Variants in GPC6 observed in about 807,000 individuals in gnomAD.
GPC6 encodes glypican-6.
Under a neutral mutation model 55.2 loss-of-function variants are expected in GPC6, and 14 were observed. The observed-to-expected ratio is 0.25, with a 90% confidence interval of 0.17 to 0.40. The LOEUF (loss-of-function observed/expected upper bound fraction) is 0.40. Ranked by LOEUF, GPC6 falls within the 10% of genes least tolerant of loss-of-function variation. GPC6 has a pLI of 1.00. For synonymous variants in GPC6, 278 were observed against 259.6 expected (o/e 1.07, Z -0.68); for missense variants, 641 against 708.5 (o/e 0.90, Z 1.08).
intron 2 of GPC6, among the ~76,000 whole-genome samples, chr13:93,597,251 A>C (rs1877800387): frequency 6.6e-6 from 1 of 152,178 alleles, no homozygotes; most frequent in Non-Finnish European, 1.5e-5. Flanking sequence ...ACTATGTCCT[A>C]ATCAAGTTGA....
chr13:93,389,042 G>C (rs1292883900), intron 1 of GPC6, among the ~76,000 whole-genome samples: 1 of 152,094 alleles, frequency 6.6e-6, no homozygotes, highest in Non-Finnish European at 1.5e-5. Flanking sequence ...GATATCTATT[G>C]AGCTGCAGTA....
At chr13:93,770,681 A>G (rs532338195) in intron 2 of GPC6, among the ~76,000 whole-genome samples, 8 of 152,242 alleles carry the variant, frequency 5.3e-5, no homozygotes, top group African/African-American at 1.9e-4. Flanking sequence ...TTTCTTCCTC[A>G]GTAGTGTCTA....
At position 93,227,702 on chromosome 13, in the gene GPC6, CT is replaced by C; in HGVS notation, c.160+87del. Reference sequence around the variant, plus strand: ...CCGCCCGGCGTCCCCTTCCTTCCCCCTGTTGCTGAGTTGGTGCTCACTTTCT... The same window carrying C: ...CCGCCCGGCGTCCCCTTCCTTCCCCCGTTGCTGAGTTGGTGCTCACTTTCT... On this transcript the variant is annotated intron_variant, in intron 1 of 8. Coordinates refer to ENST00000377047, the MANE Select transcript of GPC6 (RefSeq NM_005708.5). The surrounding 1 kb of genome is among the most constrained non-coding windows in gnomAD (Gnocchi z 4.3). The C allele has an allele frequency of 9.0e-7, 1 of 1,110,176 alleles. No individual in the cohort carries two copies. Among genetic ancestry groups the C allele is most frequent in the Non-Finnish European group, 1.3e-6 (1 of 773,606 alleles). The allele number at this position is 1,110,176 out of a possible 1,614,324, so 68.8% of individuals were successfully genotyped here. A position where few individuals can be genotyped will look rare whatever the true frequency, so the allele number is the denominator to read the frequency against.
chr13:94,159,697 T>A (rs1183843208), intron 4 of GPC6, among the ~76,000 whole-genome samples: 1 of 152,182 alleles, frequency 6.6e-6, no homozygotes, highest in Non-Finnish European at 1.5e-5. Context: ...AGCTCCATTA[T>A]GGAAGCGTAT....
At chr13:93,619,847 AT>A (rs934868539) in intron 2 of GPC6, among the ~76,000 whole-genome samples, 11 of 151,756 alleles carry the variant, frequency 7.2e-5, no homozygotes, top group Middle Eastern at 3.4e-3. Context: ...TGTACTTCCT[AT>A]TTTTTTTGTT....
chr13:94,167,350 G>T (rs1283564058), intron 4 of GPC6, among the ~76,000 whole-genome samples: 1 of 152,150 alleles, frequency 6.6e-6, no homozygotes, highest in Non-Finnish European at 1.5e-5. Flanking sequence ...CCCTCTGAAT[G>T]AAATTTCTGA....
chr13:93,532,801 T>C (rs1881919511), intron 1 of GPC6, among the ~76,000 whole-genome samples: 1 of 152,228 alleles, frequency 6.6e-6, no homozygotes, highest in South Asian at 2.1e-4. Context: ...AGTAGCATGT[T>C]TAAATTCTCT....
chr13:94,300,865 C>T (rs1398936302), intron 5 of GPC6, among the ~76,000 whole-genome samples: 2 of 152,078 alleles, frequency 1.3e-5, no homozygotes, highest in African/African-American at 4.8e-5. Context: ...AAAAAGAAGC[C>T]CTTTAGTGTC....
intron 1 of GPC6, among the ~76,000 whole-genome samples, chr13:93,421,422 AC>A (rs538867261): frequency 2.5e-4 from 38 of 152,088 alleles, no homozygotes; most frequent in South Asian, 2.1e-3. Flanking sequence ...TTTAAAAAAA[AC>A]ATTCTTAATG....
chr13:93,943,431 T>A (rs1878833982), intron 3 of GPC6, among the ~76,000 whole-genome samples: 1 of 152,116 alleles, frequency 6.6e-6, no homozygotes, highest in Non-Finnish European at 1.5e-5. Flanking sequence ...CATCTTACTC[T>A]CACTCTGGAG....
intron 1 of GPC6, among the ~76,000 whole-genome samples, chr13:93,378,733 C>T (rs899731840): frequency 2.6e-5 from 4 of 152,068 alleles, no homozygotes; most frequent in Non-Finnish European, 4.4e-5. Context: ...CGGTGGCTCA[C>T]GCTTGTAATC....
intron 3 of GPC6, among the ~76,000 whole-genome samples, chr13:93,864,292 C>T (rs1888898354): frequency 1.3e-5 from 2 of 151,722 alleles, no homozygotes; most frequent in Non-Finnish European, 1.5e-5. Flanking sequence ...AATCCTCTGT[C>T]TACTGAGCAA....
chr13:93,696,648 C>G (rs1232000051), intron 2 of GPC6, among the ~76,000 whole-genome samples: 2 of 141,106 alleles, frequency 1.4e-5, no homozygotes, highest in East Asian at 4.1e-4. Flanking sequence ...GAGTCTCCCT[C>G]TTTTGCTCTT....
chr13:93,403,598 G>A (rs1164930477), intron 1 of GPC6, among the ~76,000 whole-genome samples: 1 of 152,162 alleles, frequency 6.6e-6, no homozygotes, highest in Non-Finnish European at 1.5e-5. Context: ...TTAAACTACT[G>A]TATTGCAATC....
chr13:93,513,283 C>T (rs936307882), intron 1 of GPC6, among the ~76,000 whole-genome samples: 1 of 152,138 alleles, frequency 6.6e-6, no homozygotes, highest in East Asian at 1.9e-4. Flanking sequence ...TCACCTCAGT[C>T]CCCGGATGCC....
chr13:93,422,871 A>C (rs1053816432), intron 1 of GPC6, among the ~76,000 whole-genome samples: 1 of 152,158 alleles, frequency 6.6e-6, no homozygotes, highest in African/African-American at 2.4e-5. Context: ...CATGAGAGAG[A>C]GAATATGCTT....
chr13:93,221,241 C>T, the GPC6 span, among the ~76,000 whole-genome samples: 152 of 152,142 alleles, frequency 1.0e-3, no homozygotes, highest in African/African-American at 1.6e-3. Flanking sequence ...TTTTAGGTAA[C>T]GATGAGTAAA....
At chr13:93,644,032 A>C (rs1880070341) in intron 2 of GPC6, among the ~76,000 whole-genome samples, 3 of 152,024 alleles carry the variant, frequency 2.0e-5, no homozygotes, top group African/African-American at 7.2e-5. Context: ...TATCACTTTA[A>C]GCTATGTAAT....
At chr13:93,880,480 C>G (rs1874890209) in intron 3 of GPC6, among the ~76,000 whole-genome samples, 1 of 152,062 alleles carries the variant, frequency 6.6e-6, no homozygotes, top group African/African-American at 2.4e-5. Context: ...AAACCAAACA[C>G]CGCATATTCT....
Sources: allele counts gnomAD v4.1 joint callset (sites outside exome capture counted in the v4.1 genomes callset), GRCh38; gene constraint gnomAD v4.1.1; non-coding constraint Gnocchi (gnomAD v3.1); transcripts MANE v1.5; gene names NCBI Gene and HGNC (gene_info 2026-07-23, HGNC 2026-07-21).